The following POU6F2 variants were observed in gnomAD, a reference collection of about 807,000 sequenced individuals.
The protein encoded by POU6F2 is POU domain, class 6, transcription factor 2.
Under a neutral mutation model 71.3 loss-of-function variants are expected in POU6F2, and 31 were observed. The observed-to-expected ratio is 0.43, with a 90% CI of 0.33 to 0.59. POU6F2 has a LOEUF of 0.59. POU6F2 is among the 20% of genes least tolerant of loss of function. The probability of loss-of-function intolerance (pLI) is 0.04; values close to 1 mark genes in which losing one functional copy is unlikely to be tolerated. For synonymous variants in POU6F2, 347 were observed against 355.7 expected (o/e 0.98, Z 0.27); for missense variants, 783 against 856.8 (o/e 0.91, Z 1.07).
Position 39,322,076 on chromosome 7 carries a change from G to C in POU6F2, c.599-17566G>C, listed in dbSNP as rs536663050. Among the ~76,000 whole-genome samples the C allele has an allele frequency of 4.0e-4, 61 of 152,280 alleles. No individual in the cohort carries two copies. In the South Asian group the frequency reaches 0.011, roughly 27 times the overall value. On this transcript the variant is annotated intron_variant, in intron 4 of 9. Transcript: ENST00000518318. ...CTTTTCTATAAACTGTTTGAAATTA[G>C]TGTTAAATGTTCTCATTCATTGTGA...
intron 2 of POU6F2, among the ~76,000 whole-genome samples, chr7:39,201,172 G>C (rs1442631956): frequency 6.6e-6 from 1 of 152,188 alleles, no homozygotes; most frequent in Non-Finnish European, 1.5e-5. Context: ...CTGTGAGAGG[G>C]GTACTGTTGT....
At chr7:39,426,852 G>T (rs1787985840) in intron 6 of POU6F2, among the ~76,000 whole-genome samples, 1 of 152,166 alleles carries the variant, frequency 6.6e-6, no homozygotes, top group East Asian at 1.9e-4. Context: ...TGTCTAGCTG[G>T]TTTTCAGTAA....
chr7:39,270,929 C>A (rs975160672), intron 4 of POU6F2, among the ~76,000 whole-genome samples: 8 of 152,106 alleles, frequency 5.3e-5, no homozygotes, highest in African/African-American at 1.9e-4. Context: ...CTACAAGACC[C>A]CTTCCGCCTT....
chr7:39,006,974 T>C (rs1374813678), intron 1 of POU6F2: 2 of 1,095,732 alleles, frequency 1.8e-6, no homozygotes, highest in Non-Finnish European at 2.8e-6. Context: ...CATGTTTCCT[T>C]GAGTCAAATG....
At chr7:39,070,738 T>G (rs2128718034) in intron 1 of POU6F2, among the ~76,000 whole-genome samples, 1 of 152,318 alleles carries the variant, frequency 6.6e-6, no homozygotes, top group East Asian at 1.9e-4. Flanking sequence ...GTGAGACCTC[T>G]CTGATCGCCT....
chr7:39,117,630 A>G (rs1398931824), intron 2 of POU6F2, among the ~76,000 whole-genome samples: 3 of 152,158 alleles, frequency 2.0e-5, no homozygotes, highest in African/African-American at 7.2e-5. Context: ...CAGGAGGAGA[A>G]GCCGACAAGA....
chr7:39,036,743 A>G (rs146312095), intron 1 of POU6F2, among the ~76,000 whole-genome samples: 9 of 152,102 alleles, frequency 5.9e-5, no homozygotes, highest in African/African-American at 2.2e-4. Context: ...ATGCATATGA[A>G]TTTATATGTC....
chr7:39,167,721 G>A (rs1329488270), intron 2 of POU6F2, among the ~76,000 whole-genome samples: 1 of 151,376 alleles, frequency 6.6e-6, no homozygotes, highest in Non-Finnish European at 1.5e-5. Context: ...TTTTTGTTAG[G>A]TTATCTTTGT....
At chr7:39,002,557 G>C (rs1348111356) in intron 1 of POU6F2, among the ~76,000 whole-genome samples, 2 of 152,196 alleles carry the variant, frequency 1.3e-5, no homozygotes, top group Admixed American at 1.3e-4. Context: ...TTGTTGGCCA[G>C]GCTGGTCTCG....
intron 4 of POU6F2, among the ~76,000 whole-genome samples, chr7:39,321,254 C>G (rs1342762391): frequency 6.6e-6 from 1 of 152,136 alleles, no homozygotes; most frequent in Non-Finnish European, 1.5e-5. Context: ...CAGGGCATCA[C>G]TTCATTATAC....
intron 5 of POU6F2, among the ~76,000 whole-genome samples, chr7:39,399,683 A>G (rs929446851): frequency 6.6e-6 from 1 of 151,990 alleles, no homozygotes; most frequent in East Asian, 1.9e-4. Context: ...GCAAGACCCT[A>G]TGGCTACAAA....
intron 8 of POU6F2, among the ~76,000 whole-genome samples, chr7:39,455,579 T>G (rs1232979179): frequency 6.6e-6 from 1 of 152,184 alleles, no homozygotes. Flanking sequence ...TTTGGAAGCT[T>G]CTTTAAAGGT....
At chr7:39,096,599 C>T (rs1791458822) in intron 2 of POU6F2, among the ~76,000 whole-genome samples, 1 of 152,050 alleles carries the variant, frequency 6.6e-6, no homozygotes, top group Non-Finnish European at 1.5e-5. Flanking sequence ...CTGATTCAGC[C>T]AAAATGGGGG....
At chr7:39,260,521 A>G (rs1460013078) in intron 4 of POU6F2, among the ~76,000 whole-genome samples, 1 of 143,940 alleles carries the variant, frequency 6.9e-6, no homozygotes, top group Middle Eastern at 3.6e-3. Flanking sequence ...ACCACACCAC[A>G]TTCCACACAC....
intron 5 of POU6F2, among the ~76,000 whole-genome samples, chr7:39,345,227 A>G (rs2115644706): frequency 6.6e-6 from 1 of 152,318 alleles, no homozygotes; most frequent in South Asian, 2.1e-4. Flanking sequence ...CATCTTGATT[A>G]CTACGTTTCT....
chr7:39,191,139 C>A (rs924044785), intron 2 of POU6F2, among the ~76,000 whole-genome samples: 1 of 152,104 alleles, frequency 6.6e-6, no homozygotes, highest in Non-Finnish European at 1.5e-5. Context: ...CTAAGATATA[C>A]GGCCTTTTAA....
At chr7:39,103,395 G>A (rs1322987879) in intron 2 of POU6F2, among the ~76,000 whole-genome samples, 3 of 152,120 alleles carry the variant, frequency 2.0e-5, no homozygotes, top group Non-Finnish European at 2.9e-5. Flanking sequence ...TTGGTGGGAC[G>A]ATCAATCAAG....
chr7:39,111,205 T>C lies in POU6F2; in HGVS notation c.277+25174T>C, dbSNP rs1022747617. On this transcript the variant is annotated intron_variant, in intron 2 of 9. Coordinates refer to ENST00000518318, the MANE Select transcript of POU6F2 (RefSeq NM_001370959.1). ...TGTCTGCTACTTTGGTTCCAACATA[T>C]CAGTTTTAGGTTTGTGAGGCCCCAC... is the stretch of plus-strand genomic sequence containing the variant. Among the ~76,000 whole-genome samples the C allele has an allele frequency of 3.3e-5, 5 of 152,150 alleles. No individual in the cohort carries two copies. The East Asian group carries it at 5.8e-4, about 18-fold the overall frequency.
At chr7:39,269,623 C>A (rs948249536) in intron 4 of POU6F2, among the ~76,000 whole-genome samples, 1 of 152,226 alleles carries the variant, frequency 6.6e-6, no homozygotes, top group African/African-American at 2.4e-5. Flanking sequence ...ATAGAATCTG[C>A]CTTCCCAGGT....
Sources: allele counts gnomAD v4.1 joint callset (sites outside exome capture counted in the v4.1 genomes callset), GRCh38; gene constraint gnomAD v4.1.1; transcripts MANE v1.5; gene names NCBI Gene and HGNC (gene_info 2026-07-23, HGNC 2026-07-21).